The following SLIT2 variants were observed in gnomAD, a reference collection of about 807,000 sequenced individuals.
SLIT2 encodes slit guidance ligand 2, also known as slit homolog 2 protein.
SLIT2 carries 41 observed loss-of-function variants against 185.7 expected under a neutral mutation model. The observed-to-expected ratio is 0.22, with a 90% CI of 0.17 to 0.29. SLIT2 has a LOEUF of 0.29. Ranked by LOEUF, SLIT2 falls within the 10% of genes least tolerant of loss-of-function variation. SLIT2 has a pLI of 1.00. For synonymous variants in SLIT2, 693 were observed against 680.2 expected, an observed-to-expected ratio of 1.02 and a Z score of -0.29; for missense variants, 1,571 against 1,909.0, an observed-to-expected ratio of 0.82 and a Z score of 3.30.
intron 30 of SLIT2, among the ~76,000 whole-genome samples, chr4:20,593,131 C>G (rs553586015): frequency 3.3e-5 from 5 of 152,062 alleles, no homozygotes; most frequent in Admixed American, 3.3e-4. Context: ...ACAGACTAAA[C>G]CATAAAAGCT....
chr4:20,387,383 T>A (rs1725016353), intron 4 of SLIT2, among the ~76,000 whole-genome samples: 1 of 149,812 alleles, frequency 6.7e-6, no homozygotes, highest in Non-Finnish European at 1.5e-5. Context: ...AACATATTCA[T>A]ATAAAAATAA....
rs564724793 is a variant in SLIT2 at position 20,515,128 on chromosome 4, T to C, written c.1058+3991T>C. On this transcript the variant is annotated intron_variant, in intron 11 of 36. Coordinates refer to ENST00000504154, the MANE Select transcript of SLIT2 (RefSeq NM_004787.4). ...AGGACACTAGGTGGCTGTGTTCAAA[T>C]CCTGGCTCTAGTACTTACTAGTTAG... Among the ~76,000 whole-genome samples, 5 of 152,336 alleles carry C rather than the reference T, an allele frequency of 3.3e-5. No homozygotes were observed. The South Asian group carries it at 1.0e-3, about 32-fold the overall frequency.
chr4:20,274,324 TA>T (rs940300400), intron 4 of SLIT2, among the ~76,000 whole-genome samples: 1 of 152,088 alleles, frequency 6.6e-6, no homozygotes, highest in African/African-American at 2.4e-5. Context: ...GTATTGCATT[TA>T]AAAAAATTAC....
At chr4:20,568,480 C>T (rs1725289471) in intron 28 of SLIT2, among the ~76,000 whole-genome samples, 1 of 151,738 alleles carries the variant, frequency 6.6e-6, no homozygotes, top group African/African-American at 2.4e-5. Context: ...AGATCAGAAC[C>T]AGTTCCTCTT....
intron 9 of SLIT2, among the ~76,000 whole-genome samples, chr4:20,506,359 A>G (rs1018285645): frequency 4.5e-4 from 68 of 152,138 alleles, no homozygotes; most frequent in African/African-American, 1.6e-3. Flanking sequence ...TAGCGATTAT[A>G]CTATCTATTT....
intron 36 of SLIT2, 109 bp from the exon 37 acceptor site, chr4:20,618,659 G>A: frequency 8.6e-7 from 1 of 1,164,886 alleles, no homozygotes; most frequent in Non-Finnish European, 1.2e-6. Flanking sequence ...TGTAAAGCAA[G>A]TTACAAAGGG....
rs1364630330 is a variant in SLIT2 at position 20,587,635 on chromosome 4, A to AT, written c.3089-2002dup. On this transcript the variant is annotated intron_variant, in intron 29 of 36. Coordinates refer to ENST00000504154, the MANE Select transcript of SLIT2 (RefSeq NM_004787.4). ...TAGACAAGGGTCAACTCTCAGTTTT[A>AT]TTTTTTTAGAGATGAAATTCTCTGT... Among the ~76,000 whole-genome samples, 3 of 152,036 alleles carry AT rather than the reference A, an allele frequency of 2.0e-5. No individual in the cohort carries two copies. In the East Asian group the frequency reaches 5.8e-4, roughly 29 times the overall value.
chr4:20,451,406 T>G (rs1712460128), intron 4 of SLIT2, among the ~76,000 whole-genome samples: 1 of 152,224 alleles, frequency 6.6e-6, no homozygotes, highest in South Asian at 2.1e-4. Context: ...TTGTTCCAGC[T>G]AATGCAGCTA....
intron 4 of SLIT2, among the ~76,000 whole-genome samples, chr4:20,459,216 A>T (rs1012461719): frequency 6.6e-6 from 1 of 152,168 alleles, no homozygotes; most frequent in African/African-American, 2.4e-5. Flanking sequence ...AAGAAAGCCC[A>T]AAGTACTTAT....
intron 29 of SLIT2, among the ~76,000 whole-genome samples, chr4:20,582,369 G>C (rs1364098099): frequency 6.6e-6 from 1 of 152,136 alleles, no homozygotes; most frequent in Non-Finnish European, 1.5e-5. Context: ...AAATGTTCCT[G>C]CTTAGCATTC....
chr4:20,502,838 A>G (rs1314611460), intron 9 of SLIT2, among the ~76,000 whole-genome samples: 1 of 152,206 alleles, frequency 6.6e-6, no homozygotes, highest in East Asian at 1.9e-4. Context: ...AATCACTAAC[A>G]TGGAATGGAG....
At chr4:20,328,892 A>G (rs543685099) in intron 4 of SLIT2, among the ~76,000 whole-genome samples, 1 of 152,214 alleles carries the variant, frequency 6.6e-6, no homozygotes, top group South Asian at 2.1e-4. Flanking sequence ...GTGTGCACAC[A>G]TGTGCACATG....
chr4:20,413,573 ATC>A, intron 4 of SLIT2, among the ~76,000 whole-genome samples: 1 of 152,066 alleles, frequency 6.6e-6, no homozygotes, highest in African/African-American at 2.4e-5. Flanking sequence ...TAAATTGTTT[ATC>A]TCTCATTTCA....
At chr4:20,474,962 T>C (rs571927662) in intron 5 of SLIT2, among the ~76,000 whole-genome samples, 113 of 151,934 alleles carry the variant, frequency 7.4e-4, no homozygotes, top group African/African-American at 2.4e-3. Flanking sequence ...ATACAGAAAC[T>C]CTAGGACTAG....
intron 11 of SLIT2, among the ~76,000 whole-genome samples, chr4:20,511,828 T>C (rs1342064854): frequency 6.6e-6 from 1 of 151,766 alleles, no homozygotes; most frequent in Non-Finnish European, 1.5e-5. Context: ...CTAGGCAAAA[T>C]CTTGCTGAGA....
chr4:20,508,589 A>C (rs899007051), intron 9 of SLIT2, among the ~76,000 whole-genome samples: 1 of 152,112 alleles, frequency 6.6e-6, no homozygotes, highest in Non-Finnish European at 1.5e-5. Flanking sequence ...TACATAAAAT[A>C]TGCTCAAAAT....
At chr4:20,610,203 C>T (rs772621902) in intron 34 of SLIT2, 36 bp downstream of exon 34, 3 of 1,581,210 alleles carry the variant, frequency 1.9e-6, no homozygotes, top group Non-Finnish European at 2.6e-6. Flanking sequence ...GTCCTGAAAC[C>T]CTGTGATTCT....
intron 32 of SLIT2, among the ~76,000 whole-genome samples, 165 bp downstream of exon 32, chr4:20,596,820 A>G (rs1418884734): frequency 6.6e-6 from 1 of 152,154 alleles, no homozygotes; most frequent in East Asian, 1.9e-4. Context: ...TCTCTTCAAC[A>G]TTTGTATTTT....
At chr4:20,309,386 T>G (rs1249180880) in intron 4 of SLIT2, among the ~76,000 whole-genome samples, 1 of 152,072 alleles carries the variant, frequency 6.6e-6, no homozygotes, top group Non-Finnish European at 1.5e-5. Context: ...AACAGATCTT[T>G]TTTTTTCTTT....
Sources: allele counts gnomAD v4.1 joint callset (sites outside exome capture counted in the v4.1 genomes callset), GRCh38; gene constraint gnomAD v4.1.1; transcripts MANE v1.5; gene names NCBI Gene and HGNC (gene_info 2026-07-23, HGNC 2026-07-21).